The following PTTG1IP variants were observed in gnomAD, a reference collection of about 807,000 sequenced individuals.
PTTG1IP encodes pituitary tumor-transforming gene 1 protein-interacting protein.
In PTTG1IP, 16 loss-of-function variants were observed where a neutral mutation model predicts 24.4. The observed-to-expected ratio is 0.66, with a 90% CI of 0.44 to 1.00. PTTG1IP has a LOEUF of 1.00. PTTG1IP is among the 50% of genes least tolerant of loss of function. The pLI, the probability that PTTG1IP is intolerant of heterozygous loss-of-function variation, is 0.00. For synonymous variants in PTTG1IP, 89 were observed against 96.8 expected (o/e 0.92, Z 0.47); for missense variants, 241 against 245.8 (o/e 0.98, Z 0.13).
intron 3 of PTTG1IP, among the ~76,000 whole-genome samples, chr21:44,858,258 G>C (rs1253344510): frequency 6.6e-6 from 1 of 152,208 alleles, no homozygotes; most frequent in East Asian, 1.9e-4. Flanking sequence ...ATTTTGGCTA[G>C]AACTGGATAA....
In PTTG1IP at chr21:44,861,180, C is replaced by G. The variant is rs574813996; in HGVS notation, c.260G>C (p.Arg87Pro). ...TGACTTACCCCAACAAACTCCCCAG[C>G]GTGCAGAGCTCAATTTACAAAGGGA... ...PASLCKLSSA[R>P]WGVCWVNFEA... The change falls in exon 3 of 6, where the codon CGC (arginine) becomes CCC (proline). Residue 87 changes from arginine (R) to proline (P), a missense_variant. Coordinates refer to ENST00000330938, the MANE Select transcript of PTTG1IP (RefSeq NM_004339.4). The G allele has an allele frequency of 1.2e-6, 2 of 1,613,258 alleles. No homozygotes were observed. Among genetic ancestry groups the G allele is most frequent in the South Asian group, 1.1e-5 (1 of 91,010 alleles).
intron 5 of PTTG1IP, among the ~76,000 whole-genome samples, chr21:44,854,147 C>T (rs894793919): frequency 6.6e-6 from 1 of 152,214 alleles, no homozygotes; most frequent in Admixed American, 6.5e-5. Flanking sequence ...CTGGGCTTTG[C>T]CGTCCACCCC....
intron 1 of PTTG1IP, among the ~76,000 whole-genome samples, chr21:44,867,865 G>A (rs571233486): frequency 6.6e-5 from 10 of 152,288 alleles, no homozygotes; most frequent in African/African-American, 2.4e-4. Context: ...TTACCAAAAG[G>A]GACAAATAAT....
In PTTG1IP at chr21:44,861,212, T is replaced by C; in HGVS notation, c.228A>G (p.Pro76=). The C allele has an allele frequency of 6.2e-7, 1 of 1,614,114 alleles. No homozygotes were observed. Among genetic ancestry groups the C allele is most frequent in the Non-Finnish European group, 8.5e-7 (1 of 1,179,980 alleles). ...AGCTCAATTTACAAAGGGAAGCCGG[T>C]GGCAAGACGCTTGTAACTGGGTAGT... The part of the protein sequence containing the change: ...CLDYPVTSVL[P]PASLCKLSSA... Residue 76 remains proline, a synonymous_variant, in exon 3 of 6, where the codon CCA becomes CCG. Coordinates refer to ENST00000330938, the MANE Select transcript of PTTG1IP (RefSeq NM_004339.4).
chr21:44,873,009 G>C (rs1296886834), intron 1 of PTTG1IP: 2 of 151,562 alleles, frequency 1.3e-5, no homozygotes, highest in Non-Finnish European at 2.9e-5. Flanking sequence ...CGTGAACGCC[G>C]GCGGCTGTAG....
chr21:44,873,146 G>A (rs1275713018), intron 1 of PTTG1IP: 2 of 157,370 alleles, frequency 1.3e-5, no homozygotes, highest in Non-Finnish European at 2.8e-5. Context: ...CGAACCCGAG[G>A]AGTGCTGTTT....
chr21:44,862,180 A>G (rs2083497556), intron 2 of PTTG1IP, among the ~76,000 whole-genome samples: 3 of 152,222 alleles, frequency 2.0e-5, no homozygotes, highest in African/African-American at 4.8e-5. Flanking sequence ...TGAGCGTGAC[A>G]GGGGACAGCC....
intron 5 of PTTG1IP, among the ~76,000 whole-genome samples, chr21:44,854,076 C>G (rs2083430809): frequency 6.6e-6 from 1 of 152,158 alleles, no homozygotes; most frequent in South Asian, 2.1e-4. Context: ...CTGCAGCCCC[C>G]ATGAGAGGGA....
intron 1 of PTTG1IP, among the ~76,000 whole-genome samples, chr21:44,867,360 C>T (rs544193256): frequency 1.3e-4 from 20 of 151,424 alleles, no homozygotes; most frequent in Non-Finnish European, 2.6e-4. Flanking sequence ...CGTGTAATTT[C>T]GTGGCTATGC....
chr21:44,861,767 A>T (rs1039063503), intron 2 of PTTG1IP: 12 of 717,010 alleles, frequency 1.7e-5, no homozygotes, highest in Non-Finnish European at 2.9e-5. Flanking sequence ...TCCTCCCCAC[A>T]CGCCGGGCAC....
intron 1 of PTTG1IP, among the ~76,000 whole-genome samples, chr21:44,866,700 CACACAA>C (rs1256832498): frequency 2.0e-5 from 3 of 149,598 alleles, no homozygotes; most frequent in African/African-American, 7.7e-5. Context: ...CACACACACA[CACACAA>C]ACACAGTGCA....
chr21:44,868,322 T>C (rs900400108), intron 1 of PTTG1IP, among the ~76,000 whole-genome samples: 4 of 152,156 alleles, frequency 2.6e-5, no homozygotes, highest in Non-Finnish European at 5.9e-5. Flanking sequence ...GATGAACTCT[T>C]GGTTTTAAAA....
intron 1 of PTTG1IP, among the ~76,000 whole-genome samples, chr21:44,866,253 A>AACAC (rs140432843): frequency 1.8e-5 from 2 of 112,126 alleles, no homozygotes; most frequent in Admixed American, 9.5e-5. Context: ...CCAATCCCAT[A>AACAC]ACACACACAC....
rs1339443343 is a variant in PTTG1IP at position 44,873,608 on chromosome 21, G to A, written c.9C>T (p.Pro3=). Residue 3 remains proline (P), a synonymous_variant, in exon 1 of 6, where the codon CCC becomes CCT. Coordinates refer to ENST00000330938, the MANE Select transcript of PTTG1IP (RefSeq NM_004339.4). MA[P]GVARGPTPYW... Reference sequence around the variant, plus strand: ...ACGGCGTCGGCCCGCGGGCCACTCCGGGCGCCATGGTCGGCCGGTCGCTCT... The same window carrying A: ...ACGGCGTCGGCCCGCGGGCCACTCCAGGCGCCATGGTCGGCCGGTCGCTCT... 2 of 1,433,054 alleles carry A rather than the reference G, an allele frequency of 1.4e-6. No homozygotes were observed. Among genetic ancestry groups the A allele is most frequent in the African/African-American group, 1.5e-5 (1 of 67,102 alleles). The allele number at this position is 1,433,054 out of a possible 1,614,324, so 88.8% of individuals were successfully genotyped here.
At chr21:44,855,052 T>C (rs1291441155) in intron 5 of PTTG1IP, among the ~76,000 whole-genome samples, 158 bp downstream of exon 5, 1 of 152,206 alleles carries the variant, frequency 6.6e-6, no homozygotes, top group Non-Finnish European at 1.5e-5. Context: ...ACAGAACCGC[T>C]GGGGACAACC....
intron 5 of PTTG1IP, among the ~76,000 whole-genome samples, chr21:44,853,438 G>A (rs2083425353): frequency 6.6e-6 from 1 of 150,876 alleles, no homozygotes; most frequent in Non-Finnish European, 1.5e-5. Flanking sequence ...AACCTGGGAG[G>A]CAGAGCTTGC....
intron 1 of PTTG1IP, among the ~76,000 whole-genome samples, chr21:44,868,548 A>G (rs997082087): frequency 6.6e-6 from 1 of 152,178 alleles, no homozygotes; most frequent in African/African-American, 2.4e-5. Flanking sequence ...ACAGACATGA[A>G]CGAATGGCAA....
chr21:44,860,038 T>C (rs925896390), intron 3 of PTTG1IP, among the ~76,000 whole-genome samples: 3 of 151,978 alleles, frequency 2.0e-5, no homozygotes, highest in African/African-American at 7.3e-5. Context: ...TAATAATGAG[T>C]TCTAGGTTAC....
intron 1 of PTTG1IP, among the ~76,000 whole-genome samples, chr21:44,868,582 G>A (rs966454129): frequency 1.3e-5 from 2 of 152,160 alleles, no homozygotes; most frequent in Admixed American, 1.3e-4. Context: ...CCAGCCTGGA[G>A]GGAGTCTTTC....
Sources: gnomAD v4.1 joint callset for allele counts (sites outside exome capture counted in the v4.1 genomes callset) on GRCh38, gnomAD v4.1.1 for gene constraint, MANE v1.5 for transcripts, NCBI Gene and HGNC (gene_info 2026-07-23, HGNC 2026-07-21) for gene names.